Variants in RASGRP2 observed in about 807,000 individuals in gnomAD.
The protein encoded by RASGRP2 is RAS guanyl releasing protein 2, also known as RAS guanyl-releasing protein 2.
A neutral mutation model predicts 71.0 loss-of-function variants in RASGRP2; 44 were observed. The ratio of observed to expected loss-of-function variants is 0.62; its 90% CI spans 0.49 to 0.80. The LOEUF is 0.80. Ranked by LOEUF, RASGRP2 falls within the 30% of genes least tolerant of loss-of-function variation. RASGRP2 has a pLI of 0.00. For synonymous variants in RASGRP2, 350 were observed against 330.7 expected (o/e 1.06, Z -0.63); for missense variants, 663 against 813.4 (o/e 0.82, Z 2.25).
chr11:64,730,281 C>A, intron 12 of RASGRP2, 87 bp from the exon 13 acceptor site: 1 of 1,498,244 alleles, frequency 6.7e-7, no homozygotes, highest in Admixed American at 2.0e-5. Context: ...TTCCCAGTGT[C>A]CTCATGGAAC....
At position 64,742,460 on chromosome 11, in the gene RASGRP2, C is replaced by G. The variant is rs957585426; in HGVS notation, c.73+334G>C. The G allele has an allele frequency of 3.4e-5, 19 of 562,370 alleles. No individual in the cohort carries two copies. Among genetic ancestry groups the G allele is most frequent in the Non-Finnish European group, 5.4e-5 (17 of 313,338 alleles). 34.8% of individuals were successfully genotyped at this position (562,370 alleles called of 1,614,324 possible). ...GGCACCCCTTCACCAGATAAGCCGC[C>G]CCCCATTAGCCGGAAACAGCTCCCA... On this transcript the variant is annotated intron_variant, in intron 2 of 16. Transcript: ENST00000394432. This position sits in a 1 kb window ranked among gnomAD's most constrained non-coding sequence, Gnocchi z 4.7.
At position 64,729,790 on chromosome 11, in the gene RASGRP2, G is replaced by A. The variant is rs779966506; in HGVS notation, c.1563C>T (p.Gly521=). 215 of 1,614,000 alleles carry A rather than the reference G, an allele frequency of 1.3e-4. No individual in the cohort carries two copies. Among genetic ancestry groups the A allele is most frequent in the Non-Finnish European group, 1.7e-4 (205 of 1,179,970 alleles). ...GGCATTTGAGGCCCTGCTTGTAGATGCCCAGGATCTGCAATAGAGGAGGGG... is the reference window on the plus strand; with the variant it reads ...GGCATTTGAGGCCCTGCTTGTAGATACCCAGGATCTGCAATAGAGGAGGGG... ...ACRHCKALIL[G]IYKQGLKCRA... Residue 521 remains glycine, a synonymous_variant, in exon 14 of 17, where the codon GGC becomes GGT. Coordinates refer to ENST00000394432, the MANE Select transcript of RASGRP2 (RefSeq NM_001098671.2).
chr11:64,734,993 A>G (rs1345809198), intron 12 of RASGRP2, 119 bp downstream of exon 12: 4 of 829,638 alleles, frequency 4.8e-6, no homozygotes, highest in Admixed American at 3.9e-5. Context: ...CCACACTGGC[A>G]GCTTCCCAGG....
rs1239514878 is a variant in RASGRP2 at position 64,742,464 on chromosome 11, C to T, written c.73+330G>A. The T allele has an allele frequency of 7.1e-6, 4 of 564,136 alleles. No individual in the cohort carries two copies. Among genetic ancestry groups the T allele is most frequent in the South Asian group, 2.0e-5 (1 of 48,926 alleles). 34.9% of individuals were successfully genotyped at this position (564,136 alleles called of 1,614,324 possible). On this transcript the variant is annotated intron_variant, in intron 2 of 16. Coordinates refer to ENST00000394432, the MANE Select transcript of RASGRP2 (RefSeq NM_001098671.2). This position sits in a 1 kb window ranked among gnomAD's most constrained non-coding sequence, Gnocchi z 4.7. ...CCCCTTCACCAGATAAGCCGCCCCC[C>T]ATTAGCCGGAAACAGCTCCCAGGCC...
intron 15 of RASGRP2, among the ~76,000 whole-genome samples, chr11:64,727,719 G>A (rs1175106342): frequency 2.0e-5 from 3 of 151,970 alleles, no homozygotes; most frequent in East Asian, 1.9e-4. Context: ...GTTTTGCCAC[G>A]TTGGCCAGTC....
intron 9 of RASGRP2, among the ~76,000 whole-genome samples, chr11:64,736,258 T>C (rs1038456327): frequency 2.0e-5 from 3 of 152,178 alleles, no homozygotes; most frequent in African/African-American, 7.2e-5. Context: ...ATTTCAACCC[T>C]GATCCCCTCC....
At chr11:64,740,244 C>G (rs531560427) in intron 5 of RASGRP2, 81 bp from the exon 6 acceptor site, 1 of 1,567,474 alleles carries the variant, frequency 6.4e-7, no homozygotes, top group South Asian at 1.1e-5. Flanking sequence ...ACACCATTCA[C>G]GCTTACTGAG....
Position 64,735,111 on chromosome 11 carries a change from C to T in RASGRP2, c.1412+1G>A. On this transcript the variant is annotated splice_donor_variant, in intron 12 of 16. Transcript: ENST00000394432. LOFTEE classifies it high-confidence loss of function. This position sits in a 1 kb window ranked among gnomAD's most constrained non-coding sequence, Gnocchi z 4.2. ...TCCCCCAGGTCCCCAGCCCTCCTCACTGGTTCTGGTCGAGGTCCCCAAAGG... is the reference window on the plus strand; with the variant it reads ...TCCCCCAGGTCCCCAGCCCTCCTCATTGGTTCTGGTCGAGGTCCCCAAAGG... The T allele has an allele frequency of 1.2e-6, 2 of 1,611,978 alleles. No individual in the cohort carries two copies. Among genetic ancestry groups the T allele is most frequent in the African/African-American group, 2.7e-5 (2 of 75,022 alleles).
At chr11:64,729,929 C>A (rs2057706643) in intron 13 of RASGRP2, 124 bp downstream of exon 13, 2 of 1,498,170 alleles carry the variant, frequency 1.3e-6, no homozygotes, top group Admixed American at 1.9e-5. Context: ...GGAGGAGAGG[C>A]AAATAGAATT....
In RASGRP2 at chr11:64,735,040, C is replaced by A. The variant is rs886183018; in HGVS notation, c.1412+72G>T. ...TGGCTCAGTGACCTCATCTTGCACA[C>A]AAGAAACTGAAGCCCAGGCAGAAGT... On this transcript the variant is annotated intron_variant, in intron 12 of 16. Coordinates refer to ENST00000394432, the MANE Select transcript of RASGRP2 (RefSeq NM_001098671.2). This position sits in a 1 kb window ranked among gnomAD's most constrained non-coding sequence, Gnocchi z 4.2. The A allele has an allele frequency of 2.5e-6, 3 of 1,220,808 alleles. No homozygotes were observed. The Admixed American group carries it at 5.1e-5, about 21-fold the overall frequency. 75.6% of individuals were successfully genotyped at this position (1,220,808 alleles called of 1,614,324 possible).
chr11:64,730,615 G>C (rs1412094616), intron 12 of RASGRP2, among the ~76,000 whole-genome samples: 1 of 152,188 alleles, frequency 6.6e-6, no homozygotes, highest in African/African-American at 2.4e-5. Context: ...TCTCTCTCCT[G>C]CATCATCCTG....
Position 64,741,026 on chromosome 11 carries a change from T to G in RASGRP2, c.293A>C (p.Glu98Ala). Residue 98 changes from glutamate to alanine, a missense_variant, in exon 5 of 17, where the codon GAG becomes GCG. Glu to Ala is a moderately radical substitution (Grantham distance 107). Coordinates refer to ENST00000394432, the MANE Select transcript of RASGRP2 (RefSeq NM_001098671.2). The stretch of plus-strand genomic sequence containing the variant: ...CAGAGCCTTCAGCTCCTTGATCTGC[T>G]CAGCCAACTCCGGGTTCAAGTCAAA... ...AEFDLNPELA[E>A]QIKELKALLD... 6.2e-7 allele frequency: 1 copy of G among 1,613,796 alleles called. No individual in the cohort carries two copies. Among genetic ancestry groups the G allele is most frequent in the Middle Eastern group, 1.7e-4 (1 of 5,910 alleles).
rs866720222 is a variant in RASGRP2, at chr11:64,735,171, G to A, written c.1353C>T (p.Phe451=). ...AAGGGAAGTTCCCACGGATGATCTG[G>A]AATTCTTCCTGTGAGATGTGGCCAT... ...DGDGHISQEE[F]QIIRGNFPYL... Residue 451 remains phenylalanine, a synonymous_variant, in exon 12 of 17, where the codon TTC becomes TTT. Transcript: ENST00000394432. This position sits in a 1 kb window ranked among gnomAD's most constrained non-coding sequence, Gnocchi z 4.2. 2.5e-6 allele frequency: 4 copies of A among 1,614,198 alleles called. No homozygotes were observed. The highest frequency in any genetic ancestry group is 3.4e-6 in the Non-Finnish European group (4 of 1,180,032).
rs1249526184 is a variant in RASGRP2 at position 64,740,959 on chromosome 11, G to A, written c.360C>T (p.Asp120=). The change falls in exon 5 of 17, where the codon GAC becomes GAT. Residue 120 remains aspartate (D), a synonymous_variant. Coordinates refer to ENST00000394432, the MANE Select transcript of RASGRP2 (RefSeq NM_001098671.2). ...EGNRRHSSLI[D]IDSVPTYKWK... ...CTCCCCCCACGCACACGCTGTCTAT[G>A]TCGATTAGGCTGCTGTGCCGTCGGT... 6 of 1,613,782 alleles carry A rather than the reference G, an allele frequency of 3.7e-6. No individual in the cohort carries two copies. Among genetic ancestry groups the A allele is most frequent in the Non-Finnish European group, 5.1e-6 (6 of 1,179,992 alleles).
At chr11:64,729,890 C>G in intron 13 of RASGRP2, 92 bp from the exon 14 acceptor site, 1 of 1,583,276 alleles carries the variant, frequency 6.3e-7, no homozygotes, top group South Asian at 1.1e-5. Flanking sequence ...GGCTTTAGAG[C>G]CCGCCTCAGG....
At position 64,735,871 on chromosome 11, in the gene RASGRP2, G is replaced by A. The variant is rs751906487; in HGVS notation, c.1173+32C>T. 2.4e-5 allele frequency: 38 copies of A among 1,599,002 alleles called. No individual in the cohort carries two copies. Among genetic ancestry groups the A allele is most frequent in the Non-Finnish European group, 2.7e-5 (31 of 1,168,622 alleles). On this transcript the variant is annotated intron_variant, in intron 10 of 16. Transcript: ENST00000394432. The surrounding 1 kb of genome is among the most constrained non-coding windows in gnomAD (Gnocchi z 4.2). ...CATCCTGGGATTCTCAGGAGGGAAG[G>A]GCAGAGTGGAGAGGAGGGAGTACCC...
In RASGRP2 at chr11:64,742,719, G is replaced by A; in HGVS notation, c.73+75C>T. ...CCGGGTCAGGGCTGTGCCCTGGACT[G>A]TGCCTGGGAGGCAGGGACCCGGGCT... On this transcript the variant is annotated intron_variant, in intron 2 of 16. Coordinates refer to ENST00000394432, the MANE Select transcript of RASGRP2 (RefSeq NM_001098671.2). The surrounding 1 kb of genome is among the most constrained non-coding windows in gnomAD (Gnocchi z 4.7). The A allele has an allele frequency of 2.6e-6, 4 of 1,545,262 alleles. No homozygotes were observed. Among genetic ancestry groups the A allele is most frequent in the South Asian group, 1.2e-5 (1 of 84,274 alleles).
rs184812476 is a variant in RASGRP2 at position 64,738,630 on chromosome 11, G to T, written c.813+730C>A. On this transcript the variant is annotated intron_variant, in intron 8 of 16. Coordinates refer to ENST00000394432, the MANE Select transcript of RASGRP2 (RefSeq NM_001098671.2). ...AATTTTTGTATTTTAGTAGAGATGG[G>T]TTTCCACCTTGTTGGCCAGGCTGGT... Among the ~76,000 whole-genome samples the T allele has an allele frequency of 2.6e-3, 395 of 151,926 alleles. 2 individuals are homozygous for T. Among genetic ancestry groups the T allele is most frequent in the African/African-American group, 9.1e-3 (376 of 41,400 alleles).
chr11:64,730,991 A>G (rs1255774334), intron 12 of RASGRP2, among the ~76,000 whole-genome samples: 1 of 152,220 alleles, frequency 6.6e-6, no homozygotes, highest in African/African-American at 2.4e-5. Context: ...CCACCTGCTT[A>G]TGAGGGGGCT....
Sources: allele counts gnomAD v4.1 joint callset (sites outside exome capture counted in the v4.1 genomes callset), GRCh38; gene constraint gnomAD v4.1.1; non-coding constraint Gnocchi (gnomAD v3.1); transcripts MANE v1.5; gene names NCBI Gene and HGNC (gene_info 2026-07-23, HGNC 2026-07-21).